Variants in MARF1 observed in about 807,000 individuals in gnomAD.
MARF1 encodes meiosis regulator and mRNA stability factor 1.
MARF1 carries 24 observed loss-of-function variants against 168.2 expected under a neutral mutation model. That is an observed-to-expected ratio of 0.14 (90% confidence interval 0.10 to 0.20). The LOEUF (loss-of-function observed/expected upper bound fraction) is 0.20. Ranked by LOEUF, MARF1 falls within the 10% of genes least tolerant of loss-of-function variation. The pLI is 1.00. For missense variants in MARF1, 1,744 were observed against 2,143.6 expected, an observed-to-expected ratio of 0.81 and a Z score of 3.68; for synonymous variants, 868 against 822.4, an observed-to-expected ratio of 1.06 and a Z score of -0.95.
rs974043905 is a variant in MARF1, at chr16:15,617,532, A to C, written c.2724T>G (p.Phe908Leu). 1 of 1,603,002 alleles carries C rather than the reference A, an allele frequency of 6.2e-7. No individual in the cohort carries two copies. Reference sequence around the variant, plus strand: ...GATCTGACACATTCAACTTGTGTCCAAACCTAAAAGCAAGAGAAGAGAGAC... The same window carrying C: ...GATCTGACACATTCAACTTGTGTCCCAACCTAAAAGCAAGAGAAGAGAGAC... ...FKFTDIYEKK[F>L]GHKLNVSDLY... is the part of the protein sequence containing the mutation. Residue 908 changes from phenylalanine to leucine, a missense_variant, in exon 14 of 27, where the codon TTT (phenylalanine) becomes TTG (leucine). Around this residue, in one of 7 missense-constraint regions of MARF1, gnomAD observed 543 missense variants for 742.1 expected, o/e 0.73. Coordinates refer to ENST00000396368, the MANE Select transcript of MARF1 (RefSeq NM_014647.4).
In MARF1 at chr16:15,615,938, G is replaced by A; in HGVS notation, c.3145C>T (p.Pro1049Ser). Residue 1049 changes from proline to serine, a missense_variant, in exon 16 of 27, where the codon CCC (proline) becomes TCC (serine). Coordinates refer to ENST00000396368, the MANE Select transcript of MARF1 (RefSeq NM_014647.4). ...ACACAGGTAATGAAGTGTTCTAAGG[G>A]AACACCTCCTTGGTTTTCTTGCACT... is the stretch of plus-strand genomic sequence containing the variant. ...EVVQENQGGV[P>S]LEHFITCVPG... 1.3e-6 allele frequency: 2 copies of A among 1,585,078 alleles called. No homozygotes were observed. The highest frequency in any genetic ancestry group is 1.1e-5 in the South Asian group (1 of 87,154).
chr16:15,616,859 G>T, intron 15 of MARF1, 193 bp downstream of exon 15: 1 of 594,538 alleles, frequency 1.7e-6, no homozygotes, highest in Non-Finnish European at 3.0e-6. Context: ...TGGGACCACT[G>T]TCCTATATAC....
intron 16 of MARF1, among the ~76,000 whole-genome samples, chr16:15,614,369 G>C (rs547306072): frequency 6.8e-6 from 1 of 147,938 alleles, no homozygotes; most frequent in South Asian, 2.1e-4. Context: ...TGTAGTCCCA[G>C]CTACTCGGGA....
intron 10 of MARF1, 150 bp from the exon 11 acceptor site, chr16:15,623,273 TC>T: frequency 9.0e-5 from 29 of 323,776 alleles, no homozygotes; most frequent in East Asian, 1.5e-4. Flanking sequence ...GTGTTTTTAA[TC>T]TTTTTTTTTT....
chr16:15,601,816 A>G (rs573532665), intron 23 of MARF1, 175 bp downstream of exon 23: 2 of 638,502 alleles, frequency 3.1e-6, no homozygotes, highest in South Asian at 1.9e-5. Context: ...GTTTACAGAA[A>G]GAATCAAGGA....
At position 15,624,935 on chromosome 16, in the gene MARF1, A is replaced by G. The variant is rs1392995903; in HGVS notation, c.2112-8T>C. On this transcript the variant is annotated splice_polypyrimidine_tract_variant and splice_region_variant and intron_variant, in intron 9 of 26. Coordinates refer to ENST00000396368, the MANE Select transcript of MARF1 (RefSeq NM_014647.4). The stretch of plus-strand genomic sequence containing the variant: ...GCACTGAGGTTCTCCTTTCTAACAG[A>G]AGGGGAAAATTGAAGGCAAAAGGTC... 1 of 1,613,872 alleles carries G rather than the reference A, an allele frequency of 6.2e-7. No homozygotes were observed. Among genetic ancestry groups the G allele is most frequent in the Admixed American group, 1.7e-5 (1 of 59,946 alleles).
chr16:15,634,682 T>C (rs1412753063), intron 4 of MARF1, 75 bp downstream of exon 4: 44 of 1,390,752 alleles, frequency 3.2e-5, no homozygotes, highest in Non-Finnish European at 4.4e-5. Context: ...CCTTCAAAGG[T>C]GATTAAATGC....
intron 4 of MARF1, 145 bp downstream of exon 4, chr16:15,634,612 T>C (rs1284881375): frequency 4.2e-6 from 3 of 713,538 alleles, no homozygotes; most frequent in African/African-American, 1.8e-5. Flanking sequence ...ATAAAAAGAT[T>C]TCTACCAAGA....
At chr16:15,627,996 G>A (rs1294057172) in intron 7 of MARF1, among the ~76,000 whole-genome samples, 1 of 152,062 alleles carries the variant, frequency 6.6e-6, no homozygotes, top group Non-Finnish European at 1.5e-5. Flanking sequence ...TGTCAGCCCA[G>A]GAGCCTAAAG....
At position 15,622,919 on chromosome 16, in the gene MARF1, G is replaced by A; in HGVS notation, c.2460+15C>T. ...AGAGAGTATAACAAAGCAAGCACAAGAGGGAAAAAGTTACCTTGCCATGCC... is the reference window on the plus strand; with the variant it reads ...AGAGAGTATAACAAAGCAAGCACAAAAGGGAAAAAGTTACCTTGCCATGCC... On this transcript the variant is annotated intron_variant, in intron 11 of 26. Coordinates refer to ENST00000396368, the MANE Select transcript of MARF1 (RefSeq NM_014647.4). The A allele has an allele frequency of 6.4e-7, 1 of 1,565,550 alleles. No homozygotes were observed.
intron 6 of MARF1, 133 bp from the exon 7 acceptor site, chr16:15,630,637 T>TAGGAAAGAAACACGTTTCAC: frequency 1.4e-6 from 1 of 698,214 alleles, no homozygotes; most frequent in Non-Finnish European, 2.2e-6. Context: ...CCCCGTTTCT[T>TAGGAAAGAAACACGTTTCAC]AGGAAAGAAA....
chr16:15,604,451 T>A (rs895422269), intron 21 of MARF1, 53 bp from the exon 22 acceptor site: 1 of 1,287,254 alleles, frequency 7.8e-7, no homozygotes, highest in Admixed American at 1.7e-5. Context: ...ACACCCTAGG[T>A]TATACCCAAC....
intron 20 of MARF1, among the ~76,000 whole-genome samples, chr16:15,609,124 C>T (rs965948002): frequency 3.3e-5 from 5 of 152,142 alleles, no homozygotes; most frequent in African/African-American, 9.7e-5. Context: ...CTGTAATCCC[C>T]AGCTACTCGG....
chr16:15,603,746 G>A (rs1037273438), intron 22 of MARF1, among the ~76,000 whole-genome samples: 6 of 139,604 alleles, frequency 4.3e-5, no homozygotes, highest in African/African-American at 1.5e-4. Flanking sequence ...ATCTTGGAGC[G>A]CCATTCTTGA....
At chr16:15,621,620 C>T in intron 12 of MARF1, 113 bp downstream of exon 12, 1 of 979,968 alleles carries the variant, frequency 1.0e-6, no homozygotes, top group Non-Finnish European at 1.5e-6. Flanking sequence ...CATTATTCCA[C>T]ATGCAATCAT....
intron 21 of MARF1, among the ~76,000 whole-genome samples, chr16:15,604,842 C>A (rs2032867737): frequency 6.6e-6 from 1 of 152,052 alleles, no homozygotes; most frequent in African/African-American, 2.4e-5. Flanking sequence ...CCCGACTTGC[C>A]CATATGCGTC....
intron 23 of MARF1, chr16:15,601,470 A>T (rs913796436): frequency 2.3e-5 from 5 of 220,510 alleles, no homozygotes; most frequent in African/African-American, 1.1e-4. Flanking sequence ...TGGAGGAGCC[A>T]CGCCCTCCCT....
intron 1 of MARF1, among the ~76,000 whole-genome samples, chr16:15,640,145 C>T (rs1276426843): frequency 6.6e-6 from 1 of 152,208 alleles, no homozygotes; most frequent in South Asian, 2.1e-4. Context: ...ACCACATCCT[C>T]ATTGACAACT....
rs146915302 is a variant in MARF1 at position 15,608,687 on chromosome 16, A to G, written c.3955-169T>C. ...AAGTTCAGAAGATCGGTTGCATAAC[A>G]ATGTGAATGTGCTGACCACTACTGG... On this transcript the variant is annotated intron_variant, in intron 20 of 26. Coordinates refer to ENST00000396368, the MANE Select transcript of MARF1 (RefSeq NM_014647.4). The G allele has an allele frequency of 2.1e-3, 1,247 of 607,760 alleles. 6 individuals carry two copies. The highest frequency in any genetic ancestry group is 0.016 in the African/African-American group (870 of 54,178). The allele number at this position is 607,760 out of a possible 1,614,324, so 37.6% of individuals were successfully genotyped here.
Sources: gnomAD v4.1 joint callset for allele counts (sites outside exome capture counted in the v4.1 genomes callset) on GRCh38, gnomAD v4.1.1 for gene constraint, gnomAD v4.1.1 regional missense constraint, MANE v1.5 for transcripts, NCBI Gene and HGNC (gene_info 2026-07-23, HGNC 2026-07-21) for gene names.